The following PKD1 variants were observed in gnomAD, a reference collection of about 807,000 sequenced individuals.
The protein encoded by PKD1 is polycystin 1, transient receptor potential channel interacting, also known as polycystin-1.
PKD1 carries 81 observed loss-of-function variants against 361.7 expected under a neutral mutation model. The observed-to-expected ratio is 0.22, with a 90% confidence interval of 0.19 to 0.27. The LOEUF is 0.27. Among genes scored for constraint, PKD1 ranks in the 10% least tolerant of loss-of-function variants. The pLI, the probability that PKD1 is intolerant of heterozygous loss-of-function variation, is 1.00. For missense variants in PKD1, 6,399 were observed against 6,118.3 expected, an observed-to-expected ratio of 1.05 and a Z score of -1.53; for synonymous variants, 3,615 against 2,818.3, an observed-to-expected ratio of 1.28 and a Z score of -8.95.
In PKD1 at chr16:2,097,782, T is replaced by C. The variant is rs764994150; in HGVS notation, c.10168-2A>G. ...CTTCATCTGTCCAACAAAGGCCTGC[T>C]GAGAGGTGCACAGTGTCTTGAGTCC... On this transcript the variant is annotated splice_acceptor_variant, in intron 31 of 45. Coordinates refer to ENST00000262304, the MANE Select transcript of PKD1 (RefSeq NM_001009944.3). LOFTEE classifies it high-confidence loss of function. 3 of 1,611,286 alleles carry C rather than the reference T, an allele frequency of 1.9e-6. No individual in the cohort carries two copies. Among genetic ancestry groups the C allele is most frequent in the East Asian group, 2.2e-5 (1 of 44,878 alleles).
At position 2,116,984 on chromosome 16, in the gene PKD1, C is replaced by T; in HGVS notation, c.1455G>A (p.Glu485=). The change falls in exon 7 of 46, where the codon GAG becomes GAA. Residue 485 remains glutamate, a synonymous_variant. Transcript: ENST00000262304. ...TCTGGCAGCTCTCCAGGCTGAAGGCCTCGCCCTGCGGCGCTGGGCCCACCT... is the reference window on the plus strand; with the variant it reads ...TCTGGCAGCTCTCCAGGCTGAAGGCTTCGCCCTGCGGCGCTGGGCCCACCT... ...GVEVGPAPQG[E]AFSLESCQNW... The T allele has an allele frequency of 6.4e-7, 1 of 1,565,022 alleles. No homozygotes were observed.
At chr16:2,124,696 A>G (rs1339236110) in intron 1 of PKD1, among the ~76,000 whole-genome samples, 6 of 152,182 alleles carry the variant, frequency 3.9e-5, no homozygotes, top group African/African-American at 1.2e-4. Context: ...CGGAGCCCCC[A>G]AAGAAACATC....
intron 38 of PKD1, 127 bp downstream of exon 38, chr16:2,092,827 C>T: frequency 6.8e-6 from 8 of 1,182,342 alleles, no homozygotes; most frequent in Admixed American, 1.7e-5. Flanking sequence ...CTGATGCCAG[C>T]AGCACCTACC....
intron 22 of PKD1, 143 bp downstream of exon 22, chr16:2,104,355 G>T (rs1158444704): frequency 4.5e-5 from 24 of 533,824 alleles, no homozygotes; most frequent in Non-Finnish European, 8.1e-5. Context: ...GGAATTGGGG[G>T]AGGGGGATGA....
chr16:2,106,507 G>A lies in PKD1; in HGVS notation c.7380C>T (p.Cys2460=), dbSNP rs540447243. Residue 2460 remains cysteine (C), a synonymous_variant, in exon 18 of 46, where the codon TGC becomes TGT. Transcript: ENST00000262304. This position sits in a 1 kb window ranked among gnomAD's most constrained non-coding sequence, Gnocchi z 6.5. ...VLGRSGEEEG[C]ASIRLSPNRP... Reference sequence around the variant, plus strand: ...GGTTGGGGGACAGGCGGATGGAGGCGCAGCCCTCCTCCTCGCCAGAGCGGC... The same window carrying A: ...GGTTGGGGGACAGGCGGATGGAGGCACAGCCCTCCTCCTCGCCAGAGCGGC... The A allele has an allele frequency of 1.4e-5, 23 of 1,594,628 alleles. No homozygotes were observed. The highest frequency in any genetic ancestry group is 7.7e-5 in the South Asian group (7 of 90,704).
At chr16:2,092,738 T>C (rs541783199) in intron 38 of PKD1, 146 bp from the exon 39 acceptor site, 3 of 831,618 alleles carry the variant, frequency 3.6e-6, no homozygotes, top group African/African-American at 1.7e-5. Flanking sequence ...CCTGGGGATG[T>C]TCTGGGGCAG....
Position 2,108,805 on chromosome 16 carries a change from C to G in PKD1, c.6362G>C (p.Arg2121Pro). The G allele has an allele frequency of 6.4e-7, 1 of 1,568,328 alleles. No homozygotes were observed. Among genetic ancestry groups the G allele is most frequent in the Non-Finnish European group, 8.6e-7 (1 of 1,157,818 alleles). Residue 2121 changes from arginine to proline, a missense_variant, in exon 15 of 46, where the codon CGC becomes CCC. Physicochemically the swap from Arg to Pro is moderately radical, Grantham distance 103 (BLOSUM62 -2). Coordinates refer to ENST00000262304, the MANE Select transcript of PKD1 (RefSeq NM_001009944.3). ...CAGGTTGGAGGCGTTCACCTGCACGCGGTAGTCCCCAGGCCTCAGGTAGGA... is the reference window on the plus strand; with the variant it reads ...CAGGTTGGAGGCGTTCACCTGCACGGGGTAGTCCCCAGGCCTCAGGTAGGA... Reference protein sequence around the residue: ...EHSYLRPGDYRVQVNASNLVS... With the variant: ...EHSYLRPGDYPVQVNASNLVS...
At position 2,106,447 on chromosome 16, in the gene PKD1, T is replaced by C; in HGVS notation, c.7440A>G (p.Pro2480=). 3.1e-6 allele frequency: 5 copies of C among 1,590,522 alleles called. No individual in the cohort carries two copies. The highest frequency in any genetic ancestry group is 4.3e-6 in the Non-Finnish European group (5 of 1,173,788). Residue 2480 remains proline, a synonymous_variant, in exon 18 of 46, where the codon CCA becomes CCG. Transcript: ENST00000262304. This position sits in a 1 kb window ranked among gnomAD's most constrained non-coding sequence, Gnocchi z 6.5. ...TGGTGAGGGCGTGCACAGCGCCCAG[T>C]GGGAAGAGGCGGCAAGAGCCCCCCA... ...PPLGGSCRLF[P]LGAVHALTTK... is the part of the protein sequence containing the mutation.
Position 2,110,736 on chromosome 16 carries a change from A to C in PKD1, c.4431T>G (p.Leu1477=), listed in dbSNP as rs1443644853. The part of the protein sequence containing the change: ...LVTSIKVNGS[L]GLELQQPYLF... ...GGTACGGCTGCTGCAGCTCCAGCCC[A>C]AGGGAGCCATTGACCTTGATGCTGG... is the stretch of plus-strand genomic sequence containing the variant. The change falls in exon 15 of 46, where the codon CTT becomes CTG. Residue 1477 remains leucine (L), a synonymous_variant. Transcript: ENST00000262304. 4 of 1,610,360 alleles carry C rather than the reference A, an allele frequency of 2.5e-6. No individual in the cohort carries two copies. The African/African-American group carries it at 5.3e-5, about 22-fold the overall frequency.
chr16:2,114,439 G>A lies in PKD1; in HGVS notation c.2584C>T (p.Pro862Ser). 1 of 1,599,754 alleles carries A rather than the reference G, an allele frequency of 6.3e-7. No individual in the cohort carries two copies. The highest frequency in any genetic ancestry group is 8.5e-7 in the Non-Finnish European group (1 of 1,179,464). ...AAGCGGGCGCTGACACTGCCCCCAGGCCAGCGAGCCGTGGCCGTGGCGTTG... is the reference window on the plus strand; with the variant it reads ...AAGCGGGCGCTGACACTGCCCCCAGACCAGCGAGCCGTGGCCGTGGCGTTG... ...GANATATARWPGGSVSARFEN... is the reference protein window; with the variant it reads ...GANATATARWSGGSVSARFEN... The change falls in exon 11 of 46, where the codon CCT becomes TCT. Residue 862 changes from proline (P) to serine (S), a missense_variant. Transcript: ENST00000262304.
chr16:2,119,596 T>C (rs1204824798), intron 1 of PKD1, among the ~76,000 whole-genome samples: 8 of 152,334 alleles, frequency 5.3e-5, no homozygotes, highest in South Asian at 2.1e-4. Context: ...CTCAGCCCTC[T>C]GCACCCATCT....
chr16:2,130,020 T>TC (rs2092850312), intron 1 of PKD1, among the ~76,000 whole-genome samples: 1 of 152,064 alleles, frequency 6.6e-6, no homozygotes, highest in Admixed American at 6.5e-5. Flanking sequence ...AACCAAAGCC[T>TC]CCCCATCCCT....
At chr16:2,127,211 C>T (rs1238379805) in intron 1 of PKD1, among the ~76,000 whole-genome samples, 3 of 152,224 alleles carry the variant, frequency 2.0e-5, no homozygotes, top group African/African-American at 7.2e-5. Context: ...GGGCACTGAG[C>T]GGAACTCAGG....
At chr16:2,101,857 C>A (rs1031640393) in intron 26 of PKD1, 1 of 618,724 alleles carries the variant, frequency 1.6e-6, no homozygotes, top group Non-Finnish European at 2.9e-6. Flanking sequence ...CTGACTGGCA[C>A]CTACTTCCAG....
intron 34 of PKD1, chr16:2,094,963 G>C (rs2091782722): frequency 6.6e-6 from 1 of 152,222 alleles, no homozygotes; most frequent in Non-Finnish European, 1.5e-5. Flanking sequence ...TTCCTGTTTT[G>C]CTGTCTCTCG....
At chr16:2,131,887 A>C (rs1349158755) in intron 1 of PKD1, 1 of 152,236 alleles carries the variant, frequency 6.6e-6, no homozygotes, top group African/African-American at 2.4e-5. Context: ...CAACGAATTG[A>C]TCACAGCCAG....
At position 2,089,942 on chromosome 16, in the gene PKD1, T is replaced by G. The variant is rs1230641065; in HGVS notation, c.12697A>C (p.Thr4233Pro). The G allele has an allele frequency of 1.2e-6, 2 of 1,612,170 alleles. No homozygotes were observed. Among genetic ancestry groups the G allele is most frequent in the Non-Finnish European group, 1.7e-6 (2 of 1,179,776 alleles). ...TGCTCCAGCTGGTAGACGTCCTCTG[T>G]GGCCTGGTTGAGTCGGTCAAACTGG... ...LTQFDRLNQATEDVYQLEQQL... is the reference protein window; with the variant it reads ...LTQFDRLNQAPEDVYQLEQQL... The change falls in exon 46 of 46, where the codon ACA (threonine) becomes CCA (proline). Residue 4233 changes from threonine (T) to proline (P), a missense_variant. Transcript: ENST00000262304.
intron 21 of PKD1, among the ~76,000 whole-genome samples, 183 bp downstream of exon 21, chr16:2,105,139 C>T (rs528739572): frequency 4.9e-4 from 74 of 150,366 alleles, no homozygotes; most frequent in Non-Finnish European, 7.3e-4. Context: ...AGGCACCCTG[C>T]GTTCACACAG....
In PKD1 at chr16:2,097,181, T is replaced by A. The variant is rs2091883211; in HGVS notation, c.10466A>T (p.Asp3489Val). 1 of 1,556,992 alleles carries A rather than the reference T, an allele frequency of 6.4e-7. No individual in the cohort carries two copies. Among genetic ancestry groups the A allele is most frequent in the Non-Finnish European group, 8.7e-7 (1 of 1,150,726 alleles). The change falls in exon 34 of 46, where the codon GAC (aspartate) becomes GTC (valine). Residue 3489 changes from aspartate to valine, a missense_variant. Asp to Val is a radical substitution (Grantham distance 152). Coordinates refer to ENST00000262304, the MANE Select transcript of PKD1 (RefSeq NM_001009944.3). ...GAGCAGGTCCGTTTCCATGTGGGTG[T>A]CTTGGGTAGGGGCTGGGCTGCTGAC... is the stretch of plus-strand genomic sequence containing the variant. ...EGVSSPAPTQ[D>V]THMETDLLSS...
Sources: gnomAD v4.1 joint callset for allele counts (sites outside exome capture counted in the v4.1 genomes callset) on GRCh38, gnomAD v4.1.1 for gene constraint, Gnocchi (gnomAD v3.1) non-coding constraint, MANE v1.5 for transcripts, NCBI Gene and HGNC (gene_info 2026-07-23, HGNC 2026-07-21) for gene names.